Variants in UPP2 observed in about 807,000 individuals in gnomAD.
The protein encoded by UPP2 is UPase 2.
Under a neutral mutation model 26.7 loss-of-function variants are expected in UPP2, and 23 were observed. The observed-to-expected ratio is 0.86, with a 90% CI of 0.62 to 1.22. The LOEUF (loss-of-function observed/expected upper bound fraction) is 1.22, where lower values mean the gene tolerates loss of function less well. Ranked by LOEUF, UPP2 falls within the 50% of genes most tolerant of loss-of-function variation. UPP2 has a pLI of 0.00. For missense variants in UPP2, 387 were observed against 396.7 expected (o/e 0.98, Z 0.21); for synonymous variants, 127 against 141.3 (o/e 0.90, Z 0.72).
intron 3 of UPP2, among the ~76,000 whole-genome samples, chr2:158,050,558 G>C (rs1403587997): frequency 3.8e-5 from 1 of 26,490 alleles, no homozygotes; most frequent in Non-Finnish European, 1.5e-4. Context: ...AGCTACTTAG[G>C]AGGCTGAGGC....
chr2:158,127,892 G>T, intron 6 of UPP2: 1 of 558,642 alleles, frequency 1.8e-6, no homozygotes, highest in Non-Finnish European at 2.3e-6. Flanking sequence ...TTCAATGGAA[G>T]CACTGTGCAA....
At position 158,115,104 on chromosome 2, in the gene UPP2, G is replaced by A. The variant is rs1176376772; in HGVS notation, c.184G>A (p.Val62Ile). Residue 62 changes from valine (V) to isoleucine (I), a missense_variant, in exon 3 of 7, where the codon GTC becomes ATC. Physicochemically the swap from Val to Ile is conservative, Grantham distance 29. Coordinates refer to ENST00000005756, the MANE Select transcript of UPP2 (RefSeq NM_173355.4). ...CCTTGTTTATTTTTATTAACAGTTT[G>A]TCTGTGTCGGTGGGAGCCCCAACAG... ...LPAMFGDVKF[V>I]CVGGSPNRMK... The A allele has an allele frequency of 6.2e-7, 1 of 1,601,150 alleles. No individual in the cohort carries two copies. Among genetic ancestry groups the A allele is most frequent in the South Asian group, 1.1e-5 (1 of 89,660 alleles).
At chr2:158,131,582 C>G (rs1201269681) in intron 6 of UPP2, among the ~76,000 whole-genome samples, 3 of 152,176 alleles carry the variant, frequency 2.0e-5, no homozygotes, top group African/African-American at 7.2e-5. Context: ...CTGGGCAGTC[C>G]TAGTTCAGCT....
chr2:158,086,973 T>C (rs1437143850), intron 3 of UPP2, among the ~76,000 whole-genome samples: 1 of 152,146 alleles, frequency 6.6e-6, no homozygotes, highest in African/African-American at 2.4e-5. Flanking sequence ...CTGCAGTTGT[T>C]GGGTATAATG....
At chr2:158,120,820 G>T (rs1463137722) in intron 4 of UPP2, among the ~76,000 whole-genome samples, 1 of 151,944 alleles carries the variant, frequency 6.6e-6, no homozygotes, top group Non-Finnish European at 1.5e-5. Context: ...GAAAAGGTGG[G>T]GGGAGGAGGA....
At chr2:158,104,981 A>AAGG (rs1558932160) in intron 1 of UPP2, among the ~76,000 whole-genome samples, 185 of 17,916 alleles carry the variant, frequency 0.01, 5 homozygotes, top group East Asian at 0.026. Flanking sequence ...GGAAGGGAAG[A>AAGG]GAAGGGAAGG....
At chr2:158,121,196 C>T (rs189066485) in intron 4 of UPP2, among the ~76,000 whole-genome samples, 34 of 152,070 alleles carry the variant, frequency 2.2e-4, no homozygotes, top group Non-Finnish European at 4.0e-4. Flanking sequence ...ATCTAAACCC[C>T]ATCACATTGT....
chr2:158,011,553 A>C (rs187116073), intron 2 of UPP2, among the ~76,000 whole-genome samples: 2 of 152,276 alleles, frequency 1.3e-5, no homozygotes, highest in East Asian at 3.9e-4. Flanking sequence ...TGCAATGGTC[A>C]AGGGAGCTAG....
At chr2:158,006,476 CAAAAAAAAAAAA>C (rs3038697) in intron 2 of UPP2, among the ~76,000 whole-genome samples, 2 of 77,412 alleles carry the variant, frequency 2.6e-5, no homozygotes, top group African/African-American at 1.1e-4. Flanking sequence ...GACTCCGTCT[CAAAAAAAAAAAA>C]AAAAAAAAAA....
chr2:158,067,087 C>CA (rs372191730), intron 3 of UPP2, among the ~76,000 whole-genome samples: 3,792 of 150,822 alleles, frequency 0.025, 160 homozygotes, highest in African/African-American at 0.087. Context: ...ACCATTCTTG[C>CA]AAAAAAAAGA....
chr2:158,123,468 G>A (rs1410101910), intron 5 of UPP2, among the ~76,000 whole-genome samples: 2 of 152,118 alleles, frequency 1.3e-5, no homozygotes, highest in East Asian at 1.9e-4. Context: ...ATTTCCCTGG[G>A]CACAGTGCTG....
In UPP2 at chr2:158,037,788, A is replaced by T. The variant is rs1327317051; in HGVS notation, c.147+21902A>T. Among the ~76,000 whole-genome samples, 3 of 135,464 alleles carry T rather than the reference A, an allele frequency of 2.2e-5. No homozygotes were observed. In the Admixed American group the frequency reaches 2.6e-4, roughly 12 times the overall value. 88.9% of individuals were successfully genotyped at this position (135,464 alleles called of 152,430 possible). On this transcript the variant is annotated intron_variant, in intron 3 of 9. Coordinates refer to the UPP2 transcript ENST00000605860. The stretch of plus-strand genomic sequence containing the variant: ...ATTTAATTACATCTGCAACGACCCT[A>T]TTTCCAAATAAGTTCAATTCTGAGG...
chr2:158,097,992 A>G (rs1370786135), upstream of UPP2, among the ~76,000 whole-genome samples: 1 of 152,132 alleles, frequency 6.6e-6, no homozygotes, highest in Non-Finnish European at 1.5e-5. Flanking sequence ...TTTCAATAGC[A>G]ATTATGAGTC....
chr2:158,000,531 T>A (rs746952659), intron 2 of UPP2, among the ~76,000 whole-genome samples: 7 of 152,252 alleles, frequency 4.6e-5, no homozygotes, highest in Non-Finnish European at 1.0e-4. Flanking sequence ...TCTCTCCTGT[T>A]CTCTTTGCTG....
At chr2:158,078,135 A>C (rs1162341720) in intron 3 of UPP2, among the ~76,000 whole-genome samples, 1 of 152,082 alleles carries the variant, frequency 6.6e-6, no homozygotes, top group Non-Finnish European at 1.5e-5. Context: ...GCTAATAACA[A>C]ATGCTAGGAA....
chr2:158,100,398 C>G (rs892834702), upstream of UPP2, among the ~76,000 whole-genome samples: 2 of 152,196 alleles, frequency 1.3e-5, no homozygotes, highest in Non-Finnish European at 2.9e-5. Flanking sequence ...GAACACTTAT[C>G]TAATTAGCTA....
At chr2:158,011,872 G>A (rs918362005) in intron 2 of UPP2, among the ~76,000 whole-genome samples, 6 of 152,160 alleles carry the variant, frequency 3.9e-5, no homozygotes, top group Admixed American at 2.6e-4. Flanking sequence ...GTGGGGTGGG[G>A]ATAGGGGTGT....
intron 3 of UPP2, among the ~76,000 whole-genome samples, chr2:158,025,643 A>G (rs2105152163): frequency 6.6e-6 from 1 of 152,362 alleles, no homozygotes; most frequent in Non-Finnish European, 1.5e-5. Flanking sequence ...TCACCATTCC[A>G]CAGGGATAGG....
intron 3 of UPP2, among the ~76,000 whole-genome samples, chr2:158,079,290 A>AT (rs951764520): frequency 1.8e-4 from 27 of 152,066 alleles, no homozygotes; most frequent in South Asian, 4.1e-4. Context: ...ATTAAAAATA[A>AT]TTTTTTTTAA....
Sources: gnomAD v4.1 joint callset for allele counts (sites outside exome capture counted in the v4.1 genomes callset) on GRCh38, gnomAD v4.1.1 for gene constraint, MANE v1.5 for transcripts, NCBI Gene and HGNC (gene_info 2026-07-23, HGNC 2026-07-21) for gene names.